Variants in EBF2 observed in about 807,000 individuals in gnomAD.
EBF2 encodes EBF transcription factor 2.
Under a neutral mutation model 72.8 loss-of-function variants are expected in EBF2, and 21 were observed. That is an observed-to-expected ratio of 0.29 (90% CI 0.20 to 0.42). The LOEUF (loss-of-function observed/expected upper bound fraction) is 0.42, where lower values mean the gene tolerates loss of function less well. EBF2 is among the 10% of genes least tolerant of loss of function. EBF2 has a pLI of 1.00. For missense variants in EBF2, 637 were observed against 731.2 expected, an observed-to-expected ratio of 0.87 and a Z score of 1.49; for synonymous variants, 299 against 274.2, an observed-to-expected ratio of 1.09 and a Z score of -0.89.
chr8:25,848,544 C>A (rs1801889010), intron 15 of EBF2, among the ~76,000 whole-genome samples: 1 of 152,160 alleles, frequency 6.6e-6, no homozygotes, highest in Non-Finnish European at 1.5e-5. Context: ...GTGGGGATGA[C>A]AGGCCCTGGG....
At chr8:25,885,859 T>C (rs1215053766) in intron 10 of EBF2, among the ~76,000 whole-genome samples, 1 of 152,214 alleles carries the variant, frequency 6.6e-6, no homozygotes, top group East Asian at 1.9e-4. Context: ...ATCAGCAGCA[T>C]GAAAACGGAC....
intron 15 of EBF2, among the ~76,000 whole-genome samples, chr8:25,846,439 G>A (rs1243826246): frequency 6.6e-6 from 1 of 152,124 alleles, no homozygotes; most frequent in African/African-American, 2.4e-5. Context: ...TGTAATCCCA[G>A]CTGTTTAGGA....
chr8:25,893,533 C>A (rs1448200958), intron 7 of EBF2, among the ~76,000 whole-genome samples: 4 of 152,118 alleles, frequency 2.6e-5, no homozygotes, highest in African/African-American at 9.7e-5. Flanking sequence ...CCGCCTCAGC[C>A]TCCCAAAGTG....
intron 6 of EBF2, among the ~76,000 whole-genome samples, chr8:25,939,430 T>A (rs553308178): frequency 6.6e-6 from 1 of 152,300 alleles, no homozygotes; most frequent in South Asian, 2.1e-4. Flanking sequence ...TGTGTTTGCG[T>A]CCGTGTGTGT....
intron 6 of EBF2, among the ~76,000 whole-genome samples, chr8:25,964,896 T>A (rs1435179215): frequency 1.3e-5 from 2 of 152,184 alleles, no homozygotes; most frequent in Non-Finnish European, 2.9e-5. Context: ...ACAGAGGGAC[T>A]GTCATAGAAG....
intron 6 of EBF2, among the ~76,000 whole-genome samples, chr8:25,935,641 GTTAT>G (rs1245147424): frequency 6.6e-6 from 1 of 152,190 alleles, no homozygotes; most frequent in Non-Finnish European, 1.5e-5. Context: ...TATCAGGAGT[GTTAT>G]TTGTTTGCCA....
At chr8:25,853,368 G>A (rs1051386884) in intron 14 of EBF2, among the ~76,000 whole-genome samples, 2 of 151,826 alleles carry the variant, frequency 1.3e-5, no homozygotes, top group African/African-American at 4.8e-5. Context: ...AGAAAAATAA[G>A]CAAAGGACAC....
rs771070603 is a variant in EBF2, at chr8:25,842,366, G to C, written c.*2243C>G. The C allele has an allele frequency of 6.6e-6, 1 of 152,110 alleles. No homozygotes were observed. Among genetic ancestry groups the C allele is most frequent in the Non-Finnish European group, 1.5e-5 (1 of 68,008 alleles). 9.4% of individuals were successfully genotyped at this position (152,110 alleles called of 1,614,324 possible). A position where few individuals can be genotyped will look rare whatever the true frequency, so the allele number is the denominator to read the frequency against. ...GCATTTTTCGGTGTAAAGCTACCAA[G>C]AAATTCTACAATCATTTTGAAGACA... On this transcript the variant is annotated 3_prime_UTR_variant, in exon 16 of 16. Transcript: ENST00000520164.
intron 6 of EBF2, among the ~76,000 whole-genome samples, chr8:25,992,333 C>CAAAAAA (rs36020598): frequency 3.8e-4 from 20 of 52,470 alleles, no homozygotes; most frequent in East Asian, 2.3e-3. Flanking sequence ...GACTCTGTCT[C>CAAAAAA]AAAAAAAAAA....
intron 6 of EBF2, among the ~76,000 whole-genome samples, chr8:25,939,400 A>ATG (rs751767305): frequency 5.3e-5 from 8 of 151,770 alleles, no homozygotes; most frequent in Non-Finnish European, 8.8e-5. Context: ...GTGCGTGTGT[A>ATG]TGTGTGTGTG....
chr8:25,896,711 C>A (rs189161356), intron 7 of EBF2, among the ~76,000 whole-genome samples: 2 of 152,278 alleles, frequency 1.3e-5, no homozygotes, highest in Non-Finnish European at 2.9e-5. Context: ...TGGCGAGCGA[C>A]CAAGCTGCAG....
chr8:25,972,364 A>C (rs2117190154), intron 6 of EBF2, among the ~76,000 whole-genome samples: 1 of 152,094 alleles, frequency 6.6e-6, no homozygotes, highest in Admixed American at 6.5e-5. Context: ...CCTTCAGCAA[A>C]CAGCACCTTC....
chr8:25,991,756 G>A (rs1342908565), intron 6 of EBF2, among the ~76,000 whole-genome samples: 9 of 152,104 alleles, frequency 5.9e-5, no homozygotes, highest in East Asian at 1.9e-4. Context: ...TGAGGAAGGA[G>A]AATCGCTTGT....
In EBF2 at chr8:25,917,257, C is replaced by A. The variant is rs1254404653; in HGVS notation, c.552-8702G>T. On this transcript the variant is annotated intron_variant, in intron 6 of 15. Coordinates refer to ENST00000520164, the MANE Select transcript of EBF2 (RefSeq NM_022659.4). ...AGACGCATCTTCATTCTGCTGAATT[C>A]TATTCCTCGACACCATGAGGCTCAC... 1.2e-4 allele frequency among the ~76,000 whole-genome samples: 17 copies of A among 147,196 alleles called. No homozygotes were observed. The East Asian group carries it at 3.5e-3, about 30-fold the overall frequency.
chr8:25,957,988 G>T (rs1235073661), intron 6 of EBF2, among the ~76,000 whole-genome samples: 14 of 152,190 alleles, frequency 9.2e-5, no homozygotes, highest in Admixed American at 9.2e-4. Context: ...AACGCAAAAG[G>T]CAAGCTTCCT....
intron 6 of EBF2, among the ~76,000 whole-genome samples, chr8:26,024,706 G>A (rs764377097): frequency 2.0e-5 from 3 of 152,132 alleles, no homozygotes; most frequent in African/African-American, 7.2e-5. Flanking sequence ...AGTGTCTGTA[G>A]CATCCAAGCC....
rs377373173 is a variant in EBF2 at position 25,844,567 on chromosome 8, A to G, written c.*42T>C. ...CTAGTGCTTTCTTCATTATTGGTCC[A>G]TCAGAGTAAGTAGTTTTGTGCTATA... On this transcript the variant is annotated 3_prime_UTR_variant, in exon 16 of 16. Coordinates refer to ENST00000520164, the MANE Select transcript of EBF2 (RefSeq NM_022659.4). The G allele has an allele frequency of 7.4e-6, 12 of 1,611,604 alleles. No individual in the cohort carries two copies. In the African/African-American group the frequency reaches 1.6e-4, roughly 22 times the overall value.
intron 13 of EBF2, 73 bp from the exon 14 acceptor site, chr8:25,858,577 C>T: frequency 6.8e-7 from 1 of 1,477,784 alleles, no homozygotes; most frequent in Non-Finnish European, 9.1e-7. Flanking sequence ...TAGCACAGGT[C>T]CTCATTGGCC....
intron 5 of EBF2, among the ~76,000 whole-genome samples, chr8:26,033,838 TAAAATAA>T (rs1343447723): frequency 6.6e-6 from 1 of 152,160 alleles, no homozygotes; most frequent in East Asian, 1.9e-4. Flanking sequence ...CCATGTTTTA[TAAAATAA>T]AAAATAAAAA....
Sources: gnomAD v4.1 joint callset for allele counts (sites outside exome capture counted in the v4.1 genomes callset) on GRCh38, gnomAD v4.1.1 for gene constraint, MANE v1.5 for transcripts, NCBI Gene and HGNC (gene_info 2026-07-23, HGNC 2026-07-21) for gene names.